CXCR5: variants seen among roughly 807,000 people sequenced by gnomAD.
CXCR5 encodes C-X-C motif chemokine receptor 5.
CXCR5 carries 3 observed loss-of-function variants against 5.6 expected under a neutral mutation model. The ratio of observed to expected loss-of-function variants is 0.54; its 90% confidence interval spans 0.24 to 1.39. The LOEUF is 1.39. Among genes scored for constraint, CXCR5 ranks in the 40% most tolerant of loss-of-function variants. The pLI, the probability that CXCR5 is intolerant of heterozygous loss-of-function variation, is 0.16. For missense variants in CXCR5, 333 were observed against 494.6 expected, an observed-to-expected ratio of 0.67 and a Z score of 3.10; for synonymous variants, 218 against 219.9, an observed-to-expected ratio of 0.99 and a Z score of 0.08.
chr11:118,891,897 A>G (rs563218085), intron 1 of CXCR5, among the ~76,000 whole-genome samples: 6 of 151,220 alleles, frequency 4.0e-5, no homozygotes, highest in Non-Finnish European at 2.9e-5. Context: ...AAAAAAGTGA[A>G]GTTGAAAAAA....
At position 118,896,250 on chromosome 11, in the gene CXCR5, G is replaced by A. The variant is rs980011057; in HGVS notation, c.*1587G>A. The stretch of plus-strand genomic sequence containing the variant: ...AAAATTGTTTCAAAATAAAAACCAA[G>A]AAGATGTCTTCACATATTGTATTTA... On this transcript the variant is annotated 3_prime_UTR_variant, in exon 2 of 2. Coordinates refer to ENST00000292174, the MANE Select transcript of CXCR5 (RefSeq NM_001716.5). 6.0e-6 allele frequency: 1 copy of A among 165,522 alleles called. No individual in the cohort carries two copies. 10.3% of individuals were successfully genotyped at this position (165,522 alleles called of 1,614,324 possible). A position where few individuals can be genotyped will look rare whatever the true frequency, so the allele number is the denominator to read the frequency against.
In CXCR5 at chr11:118,893,801, C is replaced by T. The variant is rs748559889; in HGVS notation, c.257C>T (p.Thr86Met). The T allele has an allele frequency of 3.1e-6, 5 of 1,614,124 alleles. No homozygotes were observed. Among genetic ancestry groups the T allele is most frequent in the African/African-American group, 2.7e-5 (2 of 75,060 alleles). Residue 86 changes from threonine to methionine, a missense_variant, in exon 2 of 2, where the codon ACG becomes ATG. By Grantham distance (81) the Thr-to-Met change is moderately conservative (BLOSUM62 -1). Coordinates refer to ENST00000292174, the MANE Select transcript of CXCR5 (RefSeq NM_001716.5). The surrounding 1 kb of genome is among the most constrained non-coding windows in gnomAD (Gnocchi z 5.7). ...LERHRQTRSS[T>M]ETFLFHLAVA... ...CGGCACCGGCAGACACGCAGTTCCA[C>T]GGAGACCTTCCTGTTCCACCTGGCC... is the stretch of plus-strand genomic sequence containing the variant.
chr11:118,888,366 A>G (rs1219302448), intron 1 of CXCR5, among the ~76,000 whole-genome samples: 1 of 152,054 alleles, frequency 6.6e-6, no homozygotes, highest in Non-Finnish European at 1.5e-5. Flanking sequence ...CCTCTTGCCC[A>G]TGGAGCTTCT....
intron 1 of CXCR5, among the ~76,000 whole-genome samples, chr11:118,885,018 A>G (rs2137649678): frequency 6.6e-6 from 1 of 152,284 alleles, no homozygotes; most frequent in East Asian, 1.9e-4. Context: ...CTCCTGTCCC[A>G]AACTTACCCT....
At chr11:118,887,660 A>G (rs530132315) in intron 1 of CXCR5, 1 of 153,592 alleles carries the variant, frequency 6.5e-6, no homozygotes, top group African/African-American at 2.4e-5. Flanking sequence ...TCCTGAAGAA[A>G]GACGGGGTAA....
chr11:118,891,498 C>A (rs1439347602), intron 1 of CXCR5, among the ~76,000 whole-genome samples: 1 of 152,122 alleles, frequency 6.6e-6, no homozygotes, highest in African/African-American at 2.4e-5. Flanking sequence ...AGCCACCATG[C>A]CCAGACTCCA....
chr11:118,886,399 C>CATTCTG (rs1939711251), intron 1 of CXCR5: 1 of 430,504 alleles, frequency 2.3e-6, no homozygotes, highest in African/African-American at 2.1e-5. Flanking sequence ...CCAGGTTCGT[C>CATTCTG]ATTCTGTATT....
chr11:118,890,218 T>G (rs1468165903), intron 1 of CXCR5, among the ~76,000 whole-genome samples: 1 of 152,192 alleles, frequency 6.6e-6, no homozygotes, highest in Non-Finnish European at 1.5e-5. Context: ...AGTGAGTCCC[T>G]GCAGAGGCAC....
In CXCR5 at chr11:118,893,629, G is replaced by A. The variant is rs1042533380; in HGVS notation, c.85G>A (p.Asp29Asn). 10 of 1,607,618 alleles carry A rather than the reference G, an allele frequency of 6.2e-6. No homozygotes were observed. Among genetic ancestry groups the A allele is most frequent in the African/African-American group, 2.7e-5 (2 of 74,782 alleles). Residue 29 changes from aspartate (D) to asparagine (N), a missense_variant, in exon 2 of 2, where the codon GAC (aspartate) becomes AAC (asparagine). Physicochemically the swap from Asp to Asn is conservative, Grantham distance 23. Coordinates refer to ENST00000292174, the MANE Select transcript of CXCR5 (RefSeq NM_001716.5). The surrounding 1 kb of genome is among the most constrained non-coding windows in gnomAD (Gnocchi z 5.7). Reference protein sequence around the residue: ...WELDRLDNYNDTSLVENHLCP... With the variant: ...WELDRLDNYNNTSLVENHLCP... ...ACTGGACAGATTGGACAACTATAAC[G>A]ACACCTCCCTGGTGGAAAATCATCT...
chr11:118,885,379 G>A lies in CXCR5; in HGVS notation c.51+1387G>A, dbSNP rs539176359. On this transcript the variant is annotated intron_variant, in intron 1 of 1. Transcript: ENST00000292174. Reference sequence around the variant, plus strand: ...AGGCAACAGCAGAGCACTAAACCTCGTGGGGGGTCCTGCTGGGTGCAGGCC... The same window carrying A: ...AGGCAACAGCAGAGCACTAAACCTCATGGGGGGTCCTGCTGGGTGCAGGCC... 5.9e-5 allele frequency among the ~76,000 whole-genome samples: 9 copies of A among 152,290 alleles called. No homozygotes were observed. The South Asian group carries it at 6.2e-4, about 11-fold the overall frequency.
intron 1 of CXCR5, among the ~76,000 whole-genome samples, chr11:118,891,136 G>A (rs1019016607): frequency 6.6e-6 from 1 of 152,088 alleles, no homozygotes; most frequent in South Asian, 2.1e-4. Flanking sequence ...CTACTGCATG[G>A]GATGTTCTGC....
intron 1 of CXCR5, among the ~76,000 whole-genome samples, chr11:118,889,422 T>C (rs1415407659): frequency 6.6e-6 from 1 of 152,198 alleles, no homozygotes; most frequent in Non-Finnish European, 1.5e-5. Context: ...GGCACACCGC[T>C]CACGCAAATG....
chr11:118,884,084 G>A, intron 1 of CXCR5, 92 bp downstream of exon 1: 1 of 1,278,122 alleles, frequency 7.8e-7, no homozygotes, highest in Non-Finnish European at 1.1e-6. Flanking sequence ...GACAGTGTGG[G>A]AATCCTCTCC....
chr11:118,884,036 G>T (rs1409260972), intron 1 of CXCR5, 44 bp downstream of exon 1: 7 of 1,590,542 alleles, frequency 4.4e-6, no homozygotes, highest in Non-Finnish European at 6.0e-6. Context: ...GCCCTGTCTG[G>T]AATTCTAACA....
intron 1 of CXCR5, among the ~76,000 whole-genome samples, chr11:118,889,438 C>A (rs1452245252): frequency 1.3e-5 from 2 of 152,234 alleles, no homozygotes; most frequent in African/African-American, 4.8e-5. Context: ...AAATGGTCTG[C>A]CCTGTGCTCC....
At chr11:118,886,165 A>G (rs1412546122) in intron 1 of CXCR5, 2 of 359,262 alleles carry the variant, frequency 5.6e-6, no homozygotes, top group Non-Finnish European at 1.1e-5. Context: ...TTTGTGATGC[A>G]GTAAAGGTCT....
chr11:118,886,870 G>C (rs1939722041), intron 1 of CXCR5: 1 of 157,438 alleles, frequency 6.4e-6, no homozygotes, highest in Non-Finnish European at 1.4e-5. Context: ...AGTGTGACCA[G>C]AGCATCACAG....
intron 1 of CXCR5, among the ~76,000 whole-genome samples, chr11:118,892,231 G>A (rs908775412): frequency 1.3e-5 from 2 of 152,162 alleles, no homozygotes; most frequent in Non-Finnish European, 2.9e-5. Flanking sequence ...TTCCCCCAGA[G>A]CCAGAAGGAA....
chr11:118,893,763 G>A lies in CXCR5; in HGVS notation c.219G>A (p.Leu73=), dbSNP rs1939849728. 6.2e-7 allele frequency: 1 copy of A among 1,614,072 alleles called. No homozygotes were observed. The highest frequency in any genetic ancestry group is 1.7e-5 in the Admixed American group (1 of 60,016). Residue 73 remains leucine, a synonymous_variant, in exon 2 of 2, where the codon CTG becomes CTA. Transcript: ENST00000292174. This position sits in a 1 kb window ranked among gnomAD's most constrained non-coding sequence, Gnocchi z 5.7. ...GCGTGATCGGCAACGTCCTGGTGCT[G>A]GTGATCCTGGAGCGGCACCGGCAGA... The part of the protein sequence containing the change: ...LLGVIGNVLV[L]VILERHRQTR...
Sources: allele counts gnomAD v4.1 joint callset (sites outside exome capture counted in the v4.1 genomes callset), GRCh38; gene constraint gnomAD v4.1.1; non-coding constraint Gnocchi (gnomAD v3.1); transcripts MANE v1.5; gene names NCBI Gene and HGNC (gene_info 2026-07-23, HGNC 2026-07-21).